The following KIFAP3 variants were observed in gnomAD, a reference collection of about 807,000 sequenced individuals.
KIFAP3 encodes the protein kinesin associated protein 3.
A neutral mutation model predicts 106.5 loss-of-function variants in KIFAP3; 68 were observed. The ratio of observed to expected loss-of-function variants is 0.64; its 90% CI spans 0.53 to 0.78. The LOEUF (loss-of-function observed/expected upper bound fraction) is 0.78, where lower values mean the gene tolerates loss of function less well. Ranked by LOEUF, KIFAP3 falls within the 30% of genes least tolerant of loss-of-function variation. The pLI is 0.00. For missense variants in KIFAP3, 780 were observed against 941.8 expected (o/e 0.83, Z 2.25); for synonymous variants, 320 against 311.5 (o/e 1.03, Z -0.29).
At chr1:170,050,454 C>T (rs1406771976) in intron 2 of KIFAP3, among the ~76,000 whole-genome samples, 2 of 152,172 alleles carry the variant, frequency 1.3e-5, no homozygotes, top group Non-Finnish European at 2.9e-5. Flanking sequence ...CCCAGCCTAG[C>T]AAGACAGGCC....
At chr1:170,059,323 G>C (rs563605752) in intron 1 of KIFAP3, among the ~76,000 whole-genome samples, 1 of 152,122 alleles carries the variant, frequency 6.6e-6, no homozygotes, top group East Asian at 1.9e-4. Context: ...AATGATAAAG[G>C]GGATATCACC....
chr1:170,082,956 G>C (rs537890521), intron 1 of KIFAP3, among the ~76,000 whole-genome samples: 10 of 152,170 alleles, frequency 6.6e-5, no homozygotes, highest in Non-Finnish European at 1.0e-4. Flanking sequence ...CTGGGCAACA[G>C]AGCAAGACTC....
chr1:169,945,485 C>T (rs1664393913), intron 19 of KIFAP3, among the ~76,000 whole-genome samples: 1 of 152,200 alleles, frequency 6.6e-6, no homozygotes, highest in South Asian at 2.1e-4. Flanking sequence ...TCAGCTGCGC[C>T]TCCCCAACTG....
At chr1:169,958,916 T>C (rs1665173655) in intron 18 of KIFAP3, among the ~76,000 whole-genome samples, 1 of 152,202 alleles carries the variant, frequency 6.6e-6, no homozygotes, top group African/African-American at 2.4e-5. Flanking sequence ...CACATAATAC[T>C]AAGATTTTTT....
chr1:169,984,066 T>A (rs931353056), intron 12 of KIFAP3, among the ~76,000 whole-genome samples: 64 of 151,916 alleles, frequency 4.2e-4, no homozygotes, highest in East Asian at 1.3e-3. Flanking sequence ...TGCAGAAGTA[T>A]TACACTAAAA....
intron 17 of KIFAP3, among the ~76,000 whole-genome samples, chr1:169,963,555 C>T (rs572294871): frequency 5.3e-5 from 8 of 152,126 alleles, no homozygotes; most frequent in South Asian, 2.1e-4. Context: ...GGTGGTGGCA[C>T]GATCTCAGCT....
intron 7 of KIFAP3, 95 bp downstream of exon 7, chr1:170,034,277 A>G (rs1357635844): frequency 2.5e-6 from 3 of 1,209,600 alleles, no homozygotes; most frequent in Non-Finnish European, 1.2e-6. Flanking sequence ...GTAATTAACA[A>G]TTTTTAAAAA....
At chr1:169,946,401 T>C (rs1041358412) in intron 19 of KIFAP3, among the ~76,000 whole-genome samples, 1 of 152,126 alleles carries the variant, frequency 6.6e-6, no homozygotes, top group Non-Finnish European at 1.5e-5. Flanking sequence ...GTATGTCATG[T>C]TGCACAACAA....
intron 16 of KIFAP3, among the ~76,000 whole-genome samples, chr1:169,975,690 C>G (rs1399005187): frequency 2.0e-5 from 3 of 152,070 alleles, no homozygotes; most frequent in African/African-American, 7.2e-5. Flanking sequence ...TCATAGCTCA[C>G]TGGAGCCTCA....
intron 5 of KIFAP3, among the ~76,000 whole-genome samples, chr1:170,035,980 G>A (rs1394955763): frequency 6.6e-6 from 1 of 151,688 alleles, no homozygotes; most frequent in African/African-American, 2.4e-5. Flanking sequence ...AAATGAGCAG[G>A]TTAGTAGACT....
Position 169,921,620 on chromosome 1 carries a change from C to A in KIFAP3, c.*56G>T, listed in dbSNP as rs1662828186. 10 of 1,388,988 alleles carry A rather than the reference C, an allele frequency of 7.2e-6. No homozygotes were observed. Among genetic ancestry groups the A allele is most frequent in the Non-Finnish European group, 1.0e-5 (10 of 983,178 alleles). The allele number at this position is 1,388,988 out of a possible 1,614,324, so 86.0% of individuals were successfully genotyped here. ...TTATTAGGCAAAGATCCAAAATTAACCCAACCCACACAGATTTCTTCTAAG... is the reference window on the plus strand; with the variant it reads ...TTATTAGGCAAAGATCCAAAATTAAACCAACCCACACAGATTTCTTCTAAG... On this transcript the variant is annotated 3_prime_UTR_variant, in exon 20 of 20. Coordinates refer to ENST00000361580, the MANE Select transcript of KIFAP3 (RefSeq NM_014970.4).
chr1:170,038,353 C>A lies in KIFAP3; in HGVS notation c.454G>T (p.Gly152Cys). The change falls in exon 5 of 20, where the codon GGT becomes TGT. Residue 152 changes from glycine to cysteine, a missense_variant. Gly to Cys is a radical substitution (Grantham distance 159). This residue lies in a region of KIFAP3 where 588 missense variants were observed against 678.9 expected (regional missense o/e 0.87). Coordinates refer to ENST00000361580, the MANE Select transcript of KIFAP3 (RefSeq NM_014970.4). ...LYEDIPDKVR[G>C]SALILQLARN... ...GCAAGCTGCAGGATCAAAGCAGAAC[C>A]CCGAACTTTGTCAGGAATATCTTCA... 2 of 1,609,916 alleles carry A rather than the reference C, an allele frequency of 1.2e-6. No homozygotes were observed. Among genetic ancestry groups the A allele is most frequent in the Non-Finnish European group, 1.7e-6 (2 of 1,179,164 alleles).
intron 3 of KIFAP3, among the ~76,000 whole-genome samples, 187 bp downstream of exon 3, chr1:170,046,525 T>C (rs1240854314): frequency 6.6e-6 from 1 of 152,216 alleles, no homozygotes; most frequent in Non-Finnish European, 1.5e-5. Flanking sequence ...AAGCATCTAA[T>C]ATAAAGCCTA....
chr1:170,016,489 G>A lies in KIFAP3; in HGVS notation c.1156C>T (p.Leu386=). ...AGGAGTGCAGTGAGCTTGGGAAGCA[G>A]TCCAACTTGTACCATCTTATTCCTC... The part of the protein sequence containing the change: ...GLRNKMVQVG[L]LPKLTALLGN... The change falls in exon 10 of 20, where the codon CTG becomes TTG. Residue 386 remains leucine, a synonymous_variant. Coordinates refer to ENST00000361580, the MANE Select transcript of KIFAP3 (RefSeq NM_014970.4). The A allele has an allele frequency of 6.2e-7, 1 of 1,606,702 alleles. No individual in the cohort carries two copies. The highest frequency in any genetic ancestry group is 8.5e-7 in the Non-Finnish European group (1 of 1,177,140).
Position 170,038,325 on chromosome 1 carries a change from C to T in KIFAP3, c.482G>A (p.Arg161Gln). 2 of 1,606,066 alleles carry T rather than the reference C, an allele frequency of 1.2e-6. No individual in the cohort carries two copies. The highest frequency in any genetic ancestry group is 1.7e-6 in the Non-Finnish European group (2 of 1,178,436). The change falls in exon 5 of 20, where the codon CGA becomes CAA. Residue 161 changes from arginine to glutamine, a missense_variant. Arg to Gln is a conservative substitution (Grantham distance 43). Around this residue, in one of 3 missense-constraint regions of KIFAP3, gnomAD observed 588 missense variants for 678.9 expected, o/e 0.87. Coordinates refer to ENST00000361580, the MANE Select transcript of KIFAP3 (RefSeq NM_014970.4). ...TAGTTCTTCCAAGTTATCAGGATTT[C>T]GAGCAAGCTGCAGGATCAAAGCAGA... The part of the protein sequence containing the change: ...RGSALILQLA[R>Q]NPDNLEELLL...
At chr1:170,031,805 C>G in intron 8 of KIFAP3, 81 bp downstream of exon 8, 1 of 840,032 alleles carries the variant, frequency 1.2e-6, no homozygotes, top group Non-Finnish European at 2.0e-6. Context: ...ATTAGCTTTA[C>G]AGGTATGATA....
chr1:169,950,166 A>G (rs1194622106), intron 19 of KIFAP3, among the ~76,000 whole-genome samples: 2 of 152,264 alleles, frequency 1.3e-5, no homozygotes, highest in East Asian at 3.9e-4. Flanking sequence ...TCTTTAAACA[A>G]TTAAAAAAAC....
At chr1:170,078,843 G>A (rs771585211), upstream of KIFAP3, among the ~76,000 whole-genome samples, 33 of 152,076 alleles carry the variant, frequency 2.2e-4, no homozygotes, top group South Asian at 2.1e-3. Flanking sequence ...TTAGAAAATG[G>A]TATTACAAAA....
intron 6 of KIFAP3, 144 bp from the exon 7 acceptor site, chr1:170,034,640 C>T: frequency 2.4e-6 from 1 of 408,320 alleles, no homozygotes; most frequent in Non-Finnish European, 4.3e-6. Context: ...CCACAATACA[C>T]TAGGAAGACT....
Sources: allele counts gnomAD v4.1 joint callset (sites outside exome capture counted in the v4.1 genomes callset), GRCh38; gene constraint gnomAD v4.1.1; regional missense constraint gnomAD v4.1.1; transcripts MANE v1.5; gene names NCBI Gene and HGNC (gene_info 2026-07-23, HGNC 2026-07-21).